The following PCDHGA3 variants were observed in gnomAD, a reference collection of about 807,000 sequenced individuals.
PCDHGA3 encodes the protein protocadherin gamma subfamily A, 3, also known as protocadherin gamma-A3.
PCDHGA3 carries 40 observed loss-of-function variants against 58.5 expected under a neutral mutation model. The ratio of observed to expected loss-of-function variants is 0.68; its 90% CI spans 0.53 to 0.89. PCDHGA3 has a LOEUF of 0.89. Ranked by LOEUF, PCDHGA3 falls within the 40% of genes least tolerant of loss-of-function variation. The pLI is 0.00. For synonymous variants in PCDHGA3, 530 were observed against 525.7 expected (o/e 1.01, Z -0.11); for missense variants, 1,223 against 1,195.9 (o/e 1.02, Z -0.33).
intron 1 of PCDHGA3, chr5:141,388,424 GA>G: frequency 6.2e-7 from 1 of 1,613,812 alleles, no homozygotes; most frequent in African/African-American, 1.3e-5. Flanking sequence ...ATTTCTCACT[GA>G]TAAATAAAGA....
In PCDHGA3 at chr5:141,491,354, C is replaced by T. The variant is rs2099710960; in HGVS notation, c.2425-3453C>T. The T allele has an allele frequency of 6.2e-7, 1 of 1,614,166 alleles. No homozygotes were observed. Among genetic ancestry groups the T allele is most frequent in the South Asian group, 1.1e-5 (1 of 91,088 alleles). On this transcript the variant is annotated intron_variant, in intron 1 of 3. Coordinates refer to ENST00000253812, the MANE Select transcript of PCDHGA3 (RefSeq NM_018916.4). This position sits in a 1 kb window ranked among gnomAD's most constrained non-coding sequence, Gnocchi z 6.9. ...GCTCTAGCGACCGTCAGTCTCTTAT[C>T]CCTAGTCACCTTCACCTTTCTGTCA...
At position 141,375,481 on chromosome 5, in the gene PCDHGA3, CA is replaced by C. The variant is rs140643836; in HGVS notation, c.2424+29025del. 6.2e-4 allele frequency: 1,002 copies of C among 1,614,010 alleles called. 20 individuals are homozygous for C. The East Asian group carries it at 0.02, about 31-fold the overall frequency. On this transcript the variant is annotated intron_variant, in intron 1 of 3. Transcript: ENST00000253812. ...CAGTCTATGTCCTTGAAAACAACCC[CA>C]GGGGTGCCTCCATCTTCTCTGTGAA...
Position 141,346,336 on chromosome 5 carries a change from T to A in PCDHGA3, c.2303T>A (p.Leu768Gln), listed in dbSNP as rs1210263580. Residue 768 changes from leucine (L) to glutamine (Q), a missense_variant, in exon 1 of 4, where the codon CTG becomes CAG. Leu to Gln is a moderately radical substitution (Grantham distance 113). Coordinates refer to ENST00000253812, the MANE Select transcript of PCDHGA3 (RefSeq NM_018916.4). ...SLTADSRKSH[L>Q]IFPQPNYADT... ...ACTGCGGACTCGCGGAAGAGCCACC[T>A]GATTTTCCCCCAGCCCAACTATGCG... is the stretch of plus-strand genomic sequence containing the variant. The A allele has an allele frequency of 6.2e-7, 1 of 1,614,222 alleles. No homozygotes were observed. Among genetic ancestry groups the A allele is most frequent in the Non-Finnish European group, 8.5e-7 (1 of 1,180,044 alleles).
chr5:141,384,940 T>A lies in PCDHGA3; in HGVS notation c.2424+38483T>A, dbSNP rs781038163. The A allele has an allele frequency of 1.2e-6, 2 of 1,613,942 alleles. No individual in the cohort carries two copies. The highest frequency in any genetic ancestry group is 1.7e-6 in the Non-Finnish European group (2 of 1,179,994). ...GGCCGACCTGGGCAGCCTTGAGCCCTCCGACGGTCCTTACAACTATGACCT... is the reference window on the plus strand; with the variant it reads ...GGCCGACCTGGGCAGCCTTGAGCCCACCGACGGTCCTTACAACTATGACCT... On this transcript the variant is annotated intron_variant, in intron 1 of 3. Coordinates refer to ENST00000253812, the MANE Select transcript of PCDHGA3 (RefSeq NM_018916.4).
At chr5:141,414,622 C>T in intron 1 of PCDHGA3, 1 of 1,613,956 alleles carries the variant, frequency 6.2e-7, no homozygotes. Context: ...AGCGCTGGAC[C>T]CGGACAGCAA....
At chr5:141,462,823 G>A (rs1420321501) in intron 1 of PCDHGA3, among the ~76,000 whole-genome samples, 1 of 152,170 alleles carries the variant, frequency 6.6e-6, no homozygotes, top group African/African-American at 2.4e-5. Flanking sequence ...TTGGACAGCA[G>A]ACATTGTAAA....
Position 141,344,537 on chromosome 5 carries a change from G to T in PCDHGA3, c.504G>T (p.Gln168His). ...FDPDVGINSL[Q>H]NYKLSPNDYF... ...CAGATGTAGGCATTAACTCCCTGCAGAACTACAAGCTTAGCCCCAATGACT... is the reference window on the plus strand; with the variant it reads ...CAGATGTAGGCATTAACTCCCTGCATAACTACAAGCTTAGCCCCAATGACT... The change falls in exon 1 of 4, where the codon CAG becomes CAT. Residue 168 changes from glutamine (Q) to histidine (H), a missense_variant. Gln to His is a conservative substitution (Grantham distance 24). Coordinates refer to ENST00000253812, the MANE Select transcript of PCDHGA3 (RefSeq NM_018916.4). 1.2e-6 allele frequency: 2 copies of T among 1,614,024 alleles called. No homozygotes were observed. Among genetic ancestry groups the T allele is most frequent in the Non-Finnish European group, 1.7e-6 (2 of 1,179,900 alleles).
chr5:141,462,852 T>C (rs1334709435), intron 1 of PCDHGA3, among the ~76,000 whole-genome samples: 1 of 152,202 alleles, frequency 6.6e-6, no homozygotes. Flanking sequence ...TTTTGAGTGT[T>C]TGGATTTTGT....
chr5:141,470,242 T>G (rs1301513342), intron 1 of PCDHGA3, among the ~76,000 whole-genome samples: 1 of 152,226 alleles, frequency 6.6e-6, no homozygotes, highest in African/African-American at 2.4e-5. Flanking sequence ...CCCTTGAATG[T>G]CCCACCTGTC....
At chr5:141,363,675 G>A (rs1763023401) in intron 1 of PCDHGA3, among the ~76,000 whole-genome samples, 1 of 152,208 alleles carries the variant, frequency 6.6e-6, no homozygotes, top group South Asian at 2.1e-4. Context: ...GCATATGACA[G>A]CTAATATAAC....
chr5:141,447,541 A>G (rs2098542324), intron 1 of PCDHGA3, among the ~76,000 whole-genome samples: 1 of 152,218 alleles, frequency 6.6e-6, no homozygotes, highest in Non-Finnish European at 1.5e-5. Flanking sequence ...TTGGGTTTTA[A>G]TGTTATGAGT....
At chr5:141,364,723 G>C in intron 1 of PCDHGA3, 1 of 1,613,938 alleles carries the variant, frequency 6.2e-7, no homozygotes. Flanking sequence ...ATAACTTCCC[G>C]CGTTTCCGGG....
chr5:141,413,804 C>A, intron 1 of PCDHGA3: 7 of 1,613,194 alleles, frequency 4.3e-6, no homozygotes, highest in Non-Finnish European at 5.9e-6. Context: ...GAGGAAGAGG[C>A]CATTCACCAC....
intron 1 of PCDHGA3, chr5:141,371,244 A>G (rs1767599935): frequency 1.2e-6 from 2 of 1,613,920 alleles, no homozygotes; most frequent in South Asian, 2.2e-5. Context: ...CTTCATCAAT[A>G]TTGGCAAGGA....
At chr5:141,423,620 C>A in intron 1 of PCDHGA3, 1 of 1,608,268 alleles carries the variant, frequency 6.2e-7, no homozygotes, top group Non-Finnish European at 8.5e-7. Flanking sequence ...GCTGAAGACT[C>A]AGCTATCATT....
At chr5:141,383,981 C>T in intron 1 of PCDHGA3, 3 of 1,613,792 alleles carry the variant, frequency 1.9e-6, no homozygotes, top group Non-Finnish European at 2.5e-6. Context: ...GAAGACACAC[C>T]TCTTGGGACA....
At position 141,444,986 on chromosome 5, in the gene PCDHGA3, T is replaced by C. The variant is rs990862582; in HGVS notation, c.2425-49821T>C. On this transcript the variant is annotated intron_variant, in intron 1 of 3. Transcript: ENST00000253812. ...TGACACTTCAAATCCATGAACATGG[T>C]ATATATTTCCATTTAATTAGGTCTT... Among the ~76,000 whole-genome samples, 4 of 152,206 alleles carry C rather than the reference T, an allele frequency of 2.6e-5. No individual in the cohort carries two copies. The East Asian group carries it at 7.7e-4, about 29-fold the overall frequency.
chr5:141,360,540 G>A (rs1761641770), intron 1 of PCDHGA3: 1 of 1,613,928 alleles, frequency 6.2e-7, no homozygotes, highest in East Asian at 2.2e-5. Flanking sequence ...TATTCAAACA[G>A]ACTAAGATTA....
intron 1 of PCDHGA3, chr5:141,399,894 C>T (rs201911174): frequency 1.9e-6 from 3 of 1,612,570 alleles, no homozygotes; most frequent in Non-Finnish European, 2.5e-6. Context: ...AGGTAGTGGC[C>T]GTGGACGCAG....
Sources: allele counts gnomAD v4.1 joint callset (sites outside exome capture counted in the v4.1 genomes callset), GRCh38; gene constraint gnomAD v4.1.1; non-coding constraint Gnocchi (gnomAD v3.1); transcripts MANE v1.5; gene names NCBI Gene and HGNC (gene_info 2026-07-23, HGNC 2026-07-21).